Variants in FRMD4A observed in about 807,000 individuals in gnomAD.
FRMD4A encodes FERM domain containing 4A.
A neutral mutation model predicts 129.1 loss-of-function variants in FRMD4A; 29 were observed. The ratio of observed to expected loss-of-function variants is 0.22; its 90% CI spans 0.17 to 0.31. FRMD4A has a LOEUF of 0.31. Among genes scored for constraint, FRMD4A ranks in the 10% least tolerant of loss-of-function variants. FRMD4A has a pLI of 1.00. For synonymous variants in FRMD4A, 634 were observed against 571.6 expected (o/e 1.11, Z -1.56); for missense variants, 1,272 against 1,375.8 (o/e 0.92, Z 1.19).
chr10:14,025,875 T>C (rs1232925815), intron 2 of FRMD4A, among the ~76,000 whole-genome samples: 1 of 152,208 alleles, frequency 6.6e-6, no homozygotes, highest in East Asian at 1.9e-4. Flanking sequence ...CTTCCCTTTT[T>C]AAGGCTGAAA....
chr10:14,064,392 G>A (rs754233589), intron 2 of FRMD4A, among the ~76,000 whole-genome samples: 1 of 152,184 alleles, frequency 6.6e-6, no homozygotes, highest in Non-Finnish European at 1.5e-5. Context: ...ACAGTGCCCT[G>A]TGAAAACTAC....
intron 2 of FRMD4A, among the ~76,000 whole-genome samples, chr10:14,285,963 G>T (rs115675785): frequency 2.6e-5 from 4 of 152,082 alleles, no homozygotes; most frequent in Non-Finnish European, 5.9e-5. Flanking sequence ...GCAAGATGGC[G>T]GATCCAAAAA....
chr10:14,075,022 A>T (rs1835502053), intron 2 of FRMD4A, among the ~76,000 whole-genome samples: 2 of 142,458 alleles, frequency 1.4e-5, no homozygotes, highest in South Asian at 4.3e-4. Flanking sequence ...TCAAAGAAAG[A>T]TGTCCTTATG....
At chr10:13,801,044 C>T (rs1012211129) in intron 4 of FRMD4A, among the ~76,000 whole-genome samples, 1 of 152,132 alleles carries the variant, frequency 6.6e-6, no homozygotes, top group Non-Finnish European at 1.5e-5. Flanking sequence ...GTCAGGAGAT[C>T]GAGACCATCC....
At chr10:14,108,089 T>G (rs566303645) in intron 2 of FRMD4A, among the ~76,000 whole-genome samples, 2 of 152,226 alleles carry the variant, frequency 1.3e-5, no homozygotes, top group East Asian at 3.8e-4. Flanking sequence ...TGCCTCATTC[T>G]TCACGGTCTC....
chr10:13,651,374 A>T (rs1004781609), intron 24 of FRMD4A: 2 of 153,150 alleles, frequency 1.3e-5, no homozygotes, highest in Non-Finnish European at 1.5e-5. Flanking sequence ...TTTCAGGGAC[A>T]CTGATTACTC....
At chr10:14,105,229 T>C (rs1437940026) in intron 2 of FRMD4A, among the ~76,000 whole-genome samples, 1 of 152,180 alleles carries the variant, frequency 6.6e-6, no homozygotes, top group African/African-American at 2.4e-5. Context: ...AAATTTATTG[T>C]CATTTATAAG....
chr10:13,802,143 A>G (rs1282400117), intron 4 of FRMD4A, among the ~76,000 whole-genome samples: 1 of 152,234 alleles, frequency 6.6e-6, no homozygotes, highest in Admixed American at 6.5e-5. Flanking sequence ...CAGGTCAGTA[A>G]TAAATATGCA....
chr10:13,907,781 A>C (rs1282227024), intron 2 of FRMD4A, among the ~76,000 whole-genome samples: 1 of 152,056 alleles, frequency 6.6e-6, no homozygotes, highest in Non-Finnish European at 1.5e-5. Flanking sequence ...TTACACACTC[A>C]TAAGTTGCTT....
At chr10:14,050,662 G>C (rs998794815) in intron 2 of FRMD4A, among the ~76,000 whole-genome samples, 18 of 151,998 alleles carry the variant, frequency 1.2e-4, no homozygotes, top group African/African-American at 4.1e-4. Context: ...GGGGGCCTAC[G>C]GATTGAATCC....
chr10:13,989,883 T>G (rs937145510), intron 2 of FRMD4A, among the ~76,000 whole-genome samples: 1 of 152,226 alleles, frequency 6.6e-6, no homozygotes, highest in African/African-American at 2.4e-5. Context: ...TATTGAAATT[T>G]GATGTAACTG....
intron 5 of FRMD4A, among the ~76,000 whole-genome samples, chr10:13,794,687 T>C (rs118087137): frequency 0.018 from 2,791 of 152,286 alleles, 61 homozygotes; most frequent in Non-Finnish European, 0.021. Context: ...TAGTGGAGAA[T>C]GGCTGTCCCT....
chr10:14,181,485 A>G (rs1391835282), intron 2 of FRMD4A, among the ~76,000 whole-genome samples: 2 of 152,164 alleles, frequency 1.3e-5, no homozygotes, highest in African/African-American at 4.8e-5. Context: ...ACAGAGGGGA[A>G]GCAGTTGGAT....
chr10:13,880,241 C>T (rs563629969), intron 2 of FRMD4A, among the ~76,000 whole-genome samples: 4 of 152,128 alleles, frequency 2.6e-5, no homozygotes, highest in Admixed American at 1.3e-4. Flanking sequence ...ATCACAGCTT[C>T]CCCTCCCAGG....
chr10:13,943,074 A>G (rs973540029), intron 2 of FRMD4A, among the ~76,000 whole-genome samples: 3 of 152,242 alleles, frequency 2.0e-5, no homozygotes, highest in Admixed American at 6.5e-5. Context: ...TTGTCATTCT[A>G]AAACTGCGAG....
chr10:14,263,188 C>A (rs1257715616), intron 2 of FRMD4A, among the ~76,000 whole-genome samples: 1 of 152,190 alleles, frequency 6.6e-6, no homozygotes, highest in Non-Finnish European at 1.5e-5. Flanking sequence ...CAAATGCCCA[C>A]TTTTAGGAGC....
intron 2 of FRMD4A, among the ~76,000 whole-genome samples, chr10:14,070,427 C>G (rs1285541218): frequency 6.6e-6 from 1 of 152,186 alleles, no homozygotes. Flanking sequence ...TATCTTTTGG[C>G]TATCAATATT....
At chr10:13,971,653 C>T (rs1371808068) in intron 2 of FRMD4A, 2 of 1,300,666 alleles carry the variant, frequency 1.5e-6, no homozygotes, top group Admixed American at 4.6e-5. Context: ...CTTCTGGTCC[C>T]ACCTGATAGA....
intron 2 of FRMD4A, chr10:14,097,179 AAAAGG>A: frequency 6.8e-6 from 1 of 148,090 alleles, no homozygotes; most frequent in Non-Finnish European, 1.5e-5. Flanking sequence ...AAAAGAAAAG[AAAAGG>A]TGTCATTTGT....
Sources: gnomAD v4.1 joint callset for allele counts (sites outside exome capture counted in the v4.1 genomes callset) on GRCh38, gnomAD v4.1.1 for gene constraint, MANE v1.5 for transcripts, NCBI Gene and HGNC (gene_info 2026-07-23, HGNC 2026-07-21) for gene names.